Variants in SPAG16 observed in about 807,000 individuals in gnomAD.
SPAG16 encodes sperm-associated antigen 16 protein.
A neutral mutation model predicts 80.4 loss-of-function variants in SPAG16; 86 were observed. The ratio of observed to expected loss-of-function variants is 1.07; its 90% CI spans 0.90 to 1.28. The LOEUF (loss-of-function observed/expected upper bound fraction) is 1.28, where lower values mean the gene tolerates loss of function less well. Ranked by LOEUF, SPAG16 falls within the 50% of genes most tolerant of loss-of-function variation. The pLI is 0.00. For missense variants in SPAG16, 870 were observed against 765.3 expected, an observed-to-expected ratio of 1.14 and a Z score of -1.61; for synonymous variants, 294 against 265.9, an observed-to-expected ratio of 1.11 and a Z score of -1.03.
At chr2:213,330,102 C>G (rs2064023626) in intron 5 of SPAG16, among the ~76,000 whole-genome samples, 2 of 152,226 alleles carry the variant, frequency 1.3e-5, no homozygotes, top group Admixed American at 6.5e-5. Flanking sequence ...GGGTGGGGCT[C>G]TCATGGAGAA....
rs537621289 is a variant in SPAG16 at position 213,489,559 on chromosome 2, C to T, written c.943-404C>T. 7.9e-5 allele frequency among the ~76,000 whole-genome samples: 12 copies of T among 152,042 alleles called. No individual in the cohort carries two copies. In the South Asian group the frequency reaches 2.3e-3, roughly 29 times the overall value. Reference sequence around the variant, plus strand: ...GTTACCCAATGAAAGTGTTTTTAGTCGGCCATTTATAGGGGACAAAAGGGG... The same window carrying T: ...GTTACCCAATGAAAGTGTTTTTAGTTGGCCATTTATAGGGGACAAAAGGGG... On this transcript the variant is annotated intron_variant, in intron 9 of 15. Coordinates refer to ENST00000331683, the MANE Select transcript of SPAG16 (RefSeq NM_024532.5).
At chr2:213,953,988 T>C (rs114634100) in intron 12 of SPAG16, among the ~76,000 whole-genome samples, 1,988 of 152,166 alleles carry the variant, frequency 0.013, 39 homozygotes, top group African/African-American at 0.045. Flanking sequence ...GATATAAATA[T>C]AATACACATA....
chr2:213,608,969 C>CA (rs1302197704), intron 10 of SPAG16, among the ~76,000 whole-genome samples: 24 of 152,284 alleles, frequency 1.6e-4, no homozygotes, highest in African/African-American at 5.5e-4. Context: ...AGGCGTGAGC[C>CA]ATCGCACCCA....
intron 1 of SPAG16, among the ~76,000 whole-genome samples, chr2:213,292,496 C>A (rs1231208150): frequency 2.0e-5 from 3 of 151,082 alleles, no homozygotes; most frequent in Non-Finnish European, 4.4e-5. Flanking sequence ...AACCCCGTCT[C>A]TACTAAAAAT....
At chr2:213,894,652 G>A (rs2076918683) in intron 11 of SPAG16, among the ~76,000 whole-genome samples, 1 of 152,032 alleles carries the variant, frequency 6.6e-6, no homozygotes, top group African/African-American at 2.4e-5. Context: ...AATGGAATAA[G>A]TCAAATTAGC....
chr2:213,411,383 C>A (rs2068957618), intron 9 of SPAG16, among the ~76,000 whole-genome samples: 1 of 152,144 alleles, frequency 6.6e-6, no homozygotes, highest in Admixed American at 6.5e-5. Context: ...TAAACTATAT[C>A]TACTACAACC....
chr2:213,950,120 CTG>C (rs540140228), intron 12 of SPAG16, among the ~76,000 whole-genome samples: 1 of 152,258 alleles, frequency 6.6e-6, no homozygotes, highest in South Asian at 2.1e-4. Flanking sequence ...CTGTTATAAA[CTG>C]TTAATATATT....
intron 14 of SPAG16, among the ~76,000 whole-genome samples, chr2:214,141,894 C>T (rs546550557): frequency 1.1e-4 from 16 of 152,028 alleles, no homozygotes; most frequent in Admixed American, 2.0e-4. Flanking sequence ...ATATTTGGAG[C>T]GCAATTTTAG....
chr2:213,375,096 A>C lies in SPAG16; in HGVS notation c.919A>C (p.Thr307Pro), dbSNP rs777002308. The change falls in exon 9 of 16, where the codon ACA becomes CCA. Residue 307 changes from threonine (T) to proline (P), a missense_variant. Transcript: ENST00000331683. ...AGCCAGGGAACAAAACAAATGTAAA[A>C]CAAAGATGAAAGGCAATACAAAGGT... ...REAREQNKCK[T>P]KMKGNTKDSE... 6.2e-7 allele frequency: 1 copy of C among 1,607,938 alleles called. No individual in the cohort carries two copies. Among genetic ancestry groups the C allele is most frequent in the African/African-American group, 1.3e-5 (1 of 74,540 alleles).
chr2:213,294,695 A>C (rs1162126227), intron 1 of SPAG16, among the ~76,000 whole-genome samples: 1 of 152,222 alleles, frequency 6.6e-6, no homozygotes, highest in Non-Finnish European at 1.5e-5. Context: ...GATAGGGATA[A>C]GACATACAGG....
chr2:213,334,325 G>T (rs974798685), intron 5 of SPAG16, among the ~76,000 whole-genome samples: 1 of 152,144 alleles, frequency 6.6e-6, no homozygotes, highest in Non-Finnish European at 1.5e-5. Flanking sequence ...CGAGGATATG[G>T]AGAAAAGGGA....
chr2:213,634,926 A>G (rs1356310438), intron 10 of SPAG16, among the ~76,000 whole-genome samples: 2 of 151,876 alleles, frequency 1.3e-5, no homozygotes, highest in African/African-American at 4.8e-5. Flanking sequence ...TGTGAATGCC[A>G]TTATTTCACT....
intron 15 of SPAG16, among the ~76,000 whole-genome samples, chr2:214,332,539 A>G (rs936341583): frequency 2.6e-5 from 4 of 152,182 alleles, no homozygotes; most frequent in Admixed American, 2.0e-4. Context: ...CAGTGGTTCC[A>G]TATCCATTAC....
intron 11 of SPAG16, among the ~76,000 whole-genome samples, chr2:213,922,597 G>A (rs907702109): frequency 2.6e-5 from 4 of 152,182 alleles, no homozygotes; most frequent in Non-Finnish European, 4.4e-5. Flanking sequence ...AGGAAAGAAG[G>A]TACTCTGGCT....
At chr2:214,220,050 T>A (rs2058527732) in intron 15 of SPAG16, among the ~76,000 whole-genome samples, 1 of 152,242 alleles carries the variant, frequency 6.6e-6, no homozygotes, top group East Asian at 1.9e-4. Context: ...ATTTTACACA[T>A]ATAGTTGAAA....
intron 6 of SPAG16, among the ~76,000 whole-genome samples, chr2:213,343,851 A>T (rs1299400676): frequency 6.6e-6 from 1 of 152,140 alleles, no homozygotes; most frequent in East Asian, 1.9e-4. Flanking sequence ...AAAGACTGAA[A>T]AAACATAAAT....
intron 5 of SPAG16, among the ~76,000 whole-genome samples, chr2:213,320,703 C>T (rs2063577609): frequency 6.6e-6 from 1 of 151,918 alleles, no homozygotes; most frequent in Non-Finnish European, 1.5e-5. Context: ...TTAACATAAT[C>T]ATCTCTAGTT....
intron 10 of SPAG16, among the ~76,000 whole-genome samples, chr2:213,772,977 A>T (rs1453999345): frequency 6.6e-6 from 1 of 150,776 alleles, no homozygotes; most frequent in South Asian, 2.1e-4. Context: ...AATATGTTCT[A>T]TTTTACTTAT....
chr2:213,934,012 A>G (rs981780562), intron 12 of SPAG16, among the ~76,000 whole-genome samples: 2 of 152,204 alleles, frequency 1.3e-5, no homozygotes, highest in East Asian at 1.9e-4. Flanking sequence ...ACAGTTCAGA[A>G]GGAAGGCAGA....
Sources: gnomAD v4.1 joint callset for allele counts (sites outside exome capture counted in the v4.1 genomes callset) on GRCh38, gnomAD v4.1.1 for gene constraint, MANE v1.5 for transcripts, NCBI Gene and HGNC (gene_info 2026-07-23, HGNC 2026-07-21) for gene names.